The following IGF1R variants were observed in gnomAD, a reference collection of about 807,000 sequenced individuals.
The protein encoded by IGF1R is insulin-like growth factor 1 receptor.
A neutral mutation model predicts 144.6 loss-of-function variants in IGF1R; 44 were observed. That is an observed-to-expected ratio of 0.30 (90% CI 0.24 to 0.39). IGF1R has a LOEUF of 0.39. IGF1R is among the 10% of genes least tolerant of loss of function. The pLI, the probability that IGF1R is intolerant of heterozygous loss-of-function variation, is 1.00. For synonymous variants in IGF1R, 795 were observed against 722.8 expected (o/e 1.10, Z -1.60); for missense variants, 1,355 against 1,833.7 (o/e 0.74, Z 4.77).
intron 2 of IGF1R, among the ~76,000 whole-genome samples, chr15:98,815,924 A>T (rs1006354279): frequency 4.6e-5 from 7 of 152,188 alleles, no homozygotes; most frequent in Admixed American, 3.3e-4. Flanking sequence ...ATTGATTCTC[A>T]ACTAATTAAA....
At chr15:98,677,545 A>G (rs2053079369) in intron 1 of IGF1R, among the ~76,000 whole-genome samples, 1 of 152,168 alleles carries the variant, frequency 6.6e-6, no homozygotes, top group African/African-American at 2.4e-5. Context: ...GACTTTTCTC[A>G]AGTTCAGGCA....
At chr15:98,795,677 A>G (rs1045775311) in intron 2 of IGF1R, among the ~76,000 whole-genome samples, 3 of 152,048 alleles carry the variant, frequency 2.0e-5, no homozygotes, top group Admixed American at 6.5e-5. Flanking sequence ...CGGCCTCCCA[A>G]CGTGCTGGGA....
At chr15:98,845,568 G>C (rs1024344545) in intron 2 of IGF1R, among the ~76,000 whole-genome samples, 1 of 121,608 alleles carries the variant, frequency 8.2e-6, no homozygotes, top group Non-Finnish European at 1.6e-5. Flanking sequence ...CTCTTCTCTC[G>C]TTTCTCTTCT....
At chr15:98,855,496 A>T (rs2011760456) in intron 2 of IGF1R, among the ~76,000 whole-genome samples, 1 of 152,234 alleles carries the variant, frequency 6.6e-6, no homozygotes. Flanking sequence ...GGACTGCAGA[A>T]AGAATTACAG....
intron 2 of IGF1R, among the ~76,000 whole-genome samples, chr15:98,717,668 A>T (rs2054151479): frequency 6.6e-6 from 1 of 152,154 alleles, no homozygotes; most frequent in South Asian, 2.1e-4. Flanking sequence ...TCCGAAACTG[A>T]ATTTATTTTG....
At chr15:98,758,705 A>C (rs1264858414) in intron 2 of IGF1R, among the ~76,000 whole-genome samples, 4 of 152,152 alleles carry the variant, frequency 2.6e-5, no homozygotes, top group African/African-American at 4.8e-5. Flanking sequence ...TGTTTTGGAG[A>C]TTTGGGAGAT....
rs185897106 is a variant in IGF1R, at chr15:98,717,141, G to A, written c.640+9034G>A. On this transcript the variant is annotated intron_variant, in intron 2 of 20. Coordinates refer to ENST00000650285, the MANE Select transcript of IGF1R (RefSeq NM_000875.5). ...AAACTACGTTCCTGTGTGGACAAGT[G>A]GTATCATATGCAAAGGTTTAAGGAC... is the stretch of plus-strand genomic sequence containing the variant. Among the ~76,000 whole-genome samples the A allele has an allele frequency of 5.3e-5, 8 of 152,286 alleles. No homozygotes were observed. In the South Asian group the frequency reaches 1.2e-3, roughly 24 times the overall value.
intron 2 of IGF1R, among the ~76,000 whole-genome samples, chr15:98,879,174 T>TTATC (rs1488817450): frequency 2.0e-5 from 3 of 152,204 alleles, no homozygotes; most frequent in Admixed American, 6.5e-5. Context: ...CCATTATAAC[T>TTATC]TATCTCTCTT....
chr15:98,799,717 T>G (rs1476492174), intron 2 of IGF1R, among the ~76,000 whole-genome samples: 1 of 152,146 alleles, frequency 6.6e-6, no homozygotes, highest in Non-Finnish European at 1.5e-5. Context: ...CTTCCCAGAA[T>G]GGCTGATCCC....
At chr15:98,956,282 G>GCGT (rs555014128) in intron 20 of IGF1R, among the ~76,000 whole-genome samples, 1 of 152,266 alleles carries the variant, frequency 6.6e-6, no homozygotes, top group Non-Finnish European at 1.5e-5. Flanking sequence ...CACAGCACAA[G>GCGT]CGTCATCCTG....
intron 17 of IGF1R, among the ~76,000 whole-genome samples, chr15:98,936,702 C>T (rs898952503): frequency 2.6e-5 from 4 of 151,646 alleles, no homozygotes; most frequent in African/African-American, 4.8e-5. Flanking sequence ...AACACCTGTT[C>T]ACATATGACT....
At chr15:98,680,586 A>G (rs2053162972) in intron 1 of IGF1R, among the ~76,000 whole-genome samples, 1 of 151,974 alleles carries the variant, frequency 6.6e-6, no homozygotes, top group African/African-American at 2.4e-5. Context: ...TTTTTAAGAG[A>G]CAGGGTCTAG....
intron 2 of IGF1R, among the ~76,000 whole-genome samples, chr15:98,825,849 C>G (rs79268124): frequency 1.3e-5 from 2 of 152,084 alleles, no homozygotes. Flanking sequence ...TATTTTTGAT[C>G]TGCAGTTGGT....
chr15:98,877,770 T>C (rs1234712847), intron 2 of IGF1R, among the ~76,000 whole-genome samples: 2 of 152,144 alleles, frequency 1.3e-5, no homozygotes, highest in African/African-American at 4.8e-5. Flanking sequence ...TGCAAAAAAA[T>C]CTACCTCCCT....
chr15:98,950,619 A>T (rs920932711), intron 20 of IGF1R, among the ~76,000 whole-genome samples: 1 of 152,158 alleles, frequency 6.6e-6, no homozygotes, highest in Non-Finnish European at 1.5e-5. Context: ...TTTCTTCAAG[A>T]CTGATAAGAG....
At chr15:98,856,180 C>A (rs1389232529) in intron 2 of IGF1R, among the ~76,000 whole-genome samples, 1 of 152,242 alleles carries the variant, frequency 6.6e-6, no homozygotes, top group Non-Finnish European at 1.5e-5. Context: ...GGCAGGTGCT[C>A]AACTAAGCTC....
At chr15:98,896,631 T>C (rs1188743498) in intron 3 of IGF1R, 126 bp from the exon 4 acceptor site, 9 of 1,014,020 alleles carry the variant, frequency 8.9e-6, no homozygotes, top group Non-Finnish European at 1.3e-5. Flanking sequence ...CATGAACACT[T>C]CAAAACAGTT....
intron 2 of IGF1R, among the ~76,000 whole-genome samples, chr15:98,825,494 G>A (rs1038389612): frequency 2.0e-5 from 3 of 152,204 alleles, no homozygotes; most frequent in African/African-American, 7.2e-5. Flanking sequence ...AACTGCATGA[G>A]CTCCGCCTCC....
intron 1 of IGF1R, among the ~76,000 whole-genome samples, chr15:98,652,872 C>A (rs2052403094): frequency 1.3e-5 from 2 of 151,142 alleles, no homozygotes; most frequent in African/African-American, 4.9e-5. Context: ...TACTTAAAAC[C>A]ATTGGATTAT....
Sources: allele counts gnomAD v4.1 joint callset (sites outside exome capture counted in the v4.1 genomes callset), GRCh38; gene constraint gnomAD v4.1.1; transcripts MANE v1.5; gene names NCBI Gene and HGNC (gene_info 2026-07-23, HGNC 2026-07-21).